ABCA13: variants seen among roughly 807,000 people sequenced by gnomAD.
The protein encoded by ABCA13 is ATP-binding cassette sub-family A member 13.
Under a neutral mutation model 478.7 loss-of-function variants are expected in ABCA13, and 476 were observed. The ratio of observed to expected loss-of-function variants is 0.99; its 90% CI spans 0.92 to 1.07. The LOEUF is 1.07. Ranked by LOEUF, ABCA13 falls within the 50% of genes least tolerant of loss-of-function variation. ABCA13 has a pLI of 0.00. For synonymous variants in ABCA13, 2,252 were observed against 2,158.9 expected (o/e 1.04, Z -1.20); for missense variants, 6,060 against 5,910.6 (o/e 1.03, Z -0.83).
intron 1 of ABCA13, among the ~76,000 whole-genome samples, chr7:48,180,966 C>A (rs1442278652): frequency 1.3e-5 from 2 of 152,078 alleles, no homozygotes; most frequent in African/African-American, 2.4e-5. Context: ...AACAACAAAA[C>A]AAAACCAACA....
At chr7:48,625,205 A>ATGT (rs2131610587) in intron 59 of ABCA13, among the ~76,000 whole-genome samples, 1 of 152,344 alleles carries the variant, frequency 6.6e-6, no homozygotes, top group South Asian at 2.1e-4. Context: ...CATATGCTTT[A>ATGT]GTGTGGCAAC....
chr7:48,424,884 C>G (rs1349696987), intron 41 of ABCA13, among the ~76,000 whole-genome samples: 1 of 152,178 alleles, frequency 6.6e-6, no homozygotes. Context: ...TATTTGCCCT[C>G]TCTGTTAATT....
rs776012560 is a variant in ABCA13 at position 48,309,969 on chromosome 7, T to C, written c.9344T>C (p.Val3115Ala). Residue 3115 changes from valine to alanine, a missense_variant, in exon 24 of 62, where the codon GTA becomes GCA. Physicochemically the swap from Val to Ala is moderately conservative, Grantham distance 64 (BLOSUM62 0). Transcript: ENST00000435803. Reference protein sequence around the residue: ...HSKVLFSALTVALSGKCDQEI... With the variant: ...HSKVLFSALTAALSGKCDQEI... ...CAGGTTCTCTTCAGTGCCCTCACCG[T>C]AGCTCTGTCTGGAAAGTGTGATCAG... The C allele has an allele frequency of 4.4e-5, 71 of 1,613,766 alleles. 2 individuals carry two copies. In the South Asian group the frequency reaches 7.5e-4, roughly 17 times the overall value.
At chr7:48,590,892 G>A (rs1789663450) in intron 57 of ABCA13, among the ~76,000 whole-genome samples, 1 of 151,938 alleles carries the variant, frequency 6.6e-6, no homozygotes, top group African/African-American at 2.4e-5. Flanking sequence ...TGGATATATG[G>A]TTGCAAATAT....
intron 3 of ABCA13, among the ~76,000 whole-genome samples, chr7:48,208,379 G>A (rs1016545942): frequency 6.6e-6 from 1 of 152,078 alleles, no homozygotes; most frequent in East Asian, 1.9e-4. Context: ...CATTGAATCT[G>A]AAGATTGCTT....
chr7:48,240,982 T>C lies in ABCA13; in HGVS notation c.1178T>C (p.Val393Ala). 1.9e-6 allele frequency: 3 copies of C among 1,613,962 alleles called. No individual in the cohort carries two copies. The South Asian group carries it at 3.3e-5, about 18-fold the overall frequency. ...GAAGAGAGCAAGCCCTGGAAGGTGG[T>C]GGAAGCTCTGCACACTGCACTGCTC... The part of the protein sequence containing the change: ...FEEESKPWKV[V>A]EALHTALLLL... Residue 393 changes from valine to alanine, a missense_variant, in exon 10 of 62, where the codon GTG becomes GCG. Transcript: ENST00000435803.
At chr7:48,428,210 C>T (rs542222130) in intron 42 of ABCA13, among the ~76,000 whole-genome samples, 5 of 152,306 alleles carry the variant, frequency 3.3e-5, no homozygotes, top group East Asian at 3.9e-4. Flanking sequence ...GGCCTACCTG[C>T]GTGGTGTGCC....
Position 48,279,281 on chromosome 7 carries a change from C to G in ABCA13, c.8087C>G (p.Pro2696Arg), listed in dbSNP as rs1312643569. Residue 2696 changes from proline to arginine, a missense_variant, in exon 18 of 62, where the codon CCT (proline) becomes CGT (arginine). Pro to Arg is a moderately radical substitution (Grantham distance 103). Around this residue, in one of 3 missense-constraint regions of ABCA13, gnomAD observed 4,423 missense variants for 4,309.1 expected, o/e 1.03. Coordinates refer to ENST00000435803, the MANE Select transcript of ABCA13 (RefSeq NM_152701.5). ...ACCAACCAAATGGACTTCTTATACCCTAATCCAATTTCCACTCATAGTGGC... is the reference window on the plus strand; with the variant it reads ...ACCAACCAAATGGACTTCTTATACCGTAATCCAATTTCCACTCATAGTGGC... The part of the protein sequence containing the change: ...NITNQMDFLY[P>R]NPISTHSGPQ... 1 of 1,588,498 alleles carries G rather than the reference C, an allele frequency of 6.3e-7. No homozygotes were observed.
intron 33 of ABCA13, 60 bp downstream of exon 33, chr7:48,372,557 CAA>C: frequency 7.5e-7 from 1 of 1,337,928 alleles, no homozygotes; most frequent in African/African-American, 1.5e-5. Flanking sequence ...ATCTATCTAA[CAA>C]GACAAAATCC....
intron 35 of ABCA13, among the ~76,000 whole-genome samples, chr7:48,379,100 CAT>C (rs1402628695): frequency 6.6e-6 from 1 of 152,146 alleles, no homozygotes; most frequent in East Asian, 1.9e-4. Context: ...ATTTATAACA[CAT>C]ATTTAAAAAT....
chr7:48,224,376 G>T (rs1196992301), intron 5 of ABCA13, among the ~76,000 whole-genome samples: 4 of 152,172 alleles, frequency 2.6e-5, no homozygotes, highest in African/African-American at 2.4e-5. Flanking sequence ...GGGGAAGGTT[G>T]GTCCAACTTC....
intron 42 of ABCA13, among the ~76,000 whole-genome samples, chr7:48,447,358 C>T (rs945836675): frequency 6.6e-6 from 1 of 152,160 alleles, no homozygotes. Context: ...TTCCATCTTC[C>T]TCCCTACTCC....
At chr7:48,569,878 A>G (rs369197136) in intron 55 of ABCA13, among the ~76,000 whole-genome samples, 25 of 152,162 alleles carry the variant, frequency 1.6e-4, no homozygotes, top group East Asian at 3.9e-4. Flanking sequence ...CACTTGTTCT[A>G]TTCTGGAGAA....
chr7:48,546,644 A>G (rs1168380990), intron 55 of ABCA13, among the ~76,000 whole-genome samples: 1 of 151,692 alleles, frequency 6.6e-6, no homozygotes, highest in Non-Finnish European at 1.5e-5. Flanking sequence ...CAACTGGGAT[A>G]AACTGTTTTT....
At chr7:48,292,960 T>C (rs1798745310) in intron 20 of ABCA13, among the ~76,000 whole-genome samples, 1 of 152,224 alleles carries the variant, frequency 6.6e-6, no homozygotes. Context: ...AACAGTCCTA[T>C]AGGATTTCTG....
At chr7:48,470,854 T>A (rs1827413372) in intron 44 of ABCA13, among the ~76,000 whole-genome samples, 1 of 152,200 alleles carries the variant, frequency 6.6e-6, no homozygotes, top group African/African-American at 2.4e-5. Context: ...TGCTTGTAAT[T>A]CGGTAAATGC....
intron 25 of ABCA13, among the ~76,000 whole-genome samples, 186 bp downstream of exon 25, chr7:48,313,417 A>T (rs1479534775): frequency 6.6e-6 from 1 of 152,172 alleles, no homozygotes; most frequent in Non-Finnish European, 1.5e-5. Context: ...CATCTCTCTA[A>T]AAACTGCATG....
At chr7:48,276,641 C>T in intron 17 of ABCA13, 76 bp downstream of exon 17, 1 of 1,233,812 alleles carries the variant, frequency 8.1e-7, no homozygotes, top group Non-Finnish European at 1.2e-6. Context: ...GGAGTATAGA[C>T]ATGTCAAAAA....
chr7:48,514,191 A>G (rs1420369405), intron 51 of ABCA13, among the ~76,000 whole-genome samples: 7 of 152,192 alleles, frequency 4.6e-5, no homozygotes, highest in Admixed American at 4.6e-4. Context: ...GGATGTGGAG[A>G]TGCTGATCAA....
Sources: allele counts gnomAD v4.1 joint callset (sites outside exome capture counted in the v4.1 genomes callset), GRCh38; gene constraint gnomAD v4.1.1; regional missense constraint gnomAD v4.1.1; transcripts MANE v1.5; gene names NCBI Gene and HGNC (gene_info 2026-07-23, HGNC 2026-07-21).